The following ATF7IP variants were observed in gnomAD, a reference collection of about 807,000 sequenced individuals.
The protein encoded by ATF7IP is activating transcription factor 7 interacting protein.
In ATF7IP, 23 loss-of-function variants were observed where a neutral mutation model predicts 106.4. That is an observed-to-expected ratio of 0.22 (90% CI 0.16 to 0.31). The LOEUF is 0.31. Ranked by LOEUF, ATF7IP falls within the 10% of genes least tolerant of loss-of-function variation. The pLI is 1.00. For missense variants in ATF7IP, 1,334 were observed against 1,524.3 expected (o/e 0.88, Z 2.08); for synonymous variants, 542 against 539.0 (o/e 1.01, Z -0.08).
rs1277217110 is a variant in ATF7IP, at chr12:14,456,616, A to G, written c.2051A>G (p.Asn684Ser). 3 of 1,611,292 alleles carry G rather than the reference A, an allele frequency of 1.9e-6. No homozygotes were observed. The highest frequency in any genetic ancestry group is 2.7e-5 in the African/African-American group (2 of 75,010). ...AAAACTGTAAATGATGTCAACAGCA[A>G]TAATAACATGTCTTACAGGTGAGAA... ...PGKTVNDVNSNNNMSYRNAGT... is the reference protein window; with the variant it reads ...PGKTVNDVNSSNNMSYRNAGT... Residue 684 changes from asparagine to serine, a missense_variant, in exon 7 of 15, where the codon AAT becomes AGT. Around this residue, in one of 10 missense-constraint regions of ATF7IP, gnomAD observed 171 missense variants for 172.6 expected, o/e 0.99. Coordinates refer to ENST00000261168, the MANE Select transcript of ATF7IP (RefSeq NM_018179.5).
At chr12:14,463,330 A>G (rs1298795826) in intron 9 of ATF7IP, among the ~76,000 whole-genome samples, 1 of 152,176 alleles carries the variant, frequency 6.6e-6, no homozygotes, top group African/African-American at 2.4e-5. Flanking sequence ...TTCTGTTTAT[A>G]GTGAGGTAAA....
At chr12:14,439,428 G>T (rs918890098) in intron 5 of ATF7IP, among the ~76,000 whole-genome samples, 3 of 152,170 alleles carry the variant, frequency 2.0e-5, no homozygotes, top group African/African-American at 7.2e-5. Flanking sequence ...TACTAGTACT[G>T]TTCAGACTTT....
intron 1 of ATF7IP, among the ~76,000 whole-genome samples, chr12:14,368,097 T>C (rs1401594377): frequency 6.6e-6 from 1 of 152,096 alleles, no homozygotes; most frequent in Admixed American, 6.5e-5. Flanking sequence ...TTTGCATATG[T>C]GATAAATGTA....
chr12:14,458,657 T>C (rs533432227), intron 8 of ATF7IP, among the ~76,000 whole-genome samples: 1 of 152,188 alleles, frequency 6.6e-6, no homozygotes, highest in East Asian at 1.9e-4. Flanking sequence ...ACTCTCTCTC[T>C]ACAAAAAATA....
chr12:14,469,289 A>G (rs1591931461), intron 10 of ATF7IP, among the ~76,000 whole-genome samples: 6 of 150,902 alleles, frequency 4.0e-5, no homozygotes, highest in African/African-American at 1.5e-4. Flanking sequence ...GAACCTGGGA[A>G]GAGGAGGTTG....
chr12:14,397,645 T>TA (rs1389205288), intron 1 of ATF7IP, among the ~76,000 whole-genome samples: 1 of 152,182 alleles, frequency 6.6e-6, no homozygotes, highest in African/African-American at 2.4e-5. Context: ...CTCTTTCTCT[T>TA]GTATCTCTTT....
intron 13 of ATF7IP, among the ~76,000 whole-genome samples, chr12:14,487,834 A>T (rs1358142808): frequency 6.6e-6 from 1 of 152,164 alleles, no homozygotes; most frequent in Non-Finnish European, 1.5e-5. Context: ...TGTCCACTGA[A>T]CTTAGGAGGA....
chr12:14,370,740 A>G (rs7308681), intron 1 of ATF7IP, among the ~76,000 whole-genome samples: 22,816 of 152,038 alleles, frequency 0.15, 2,827 homozygotes, highest in African/African-American at 0.35. Context: ...GTAGGGATGA[A>G]TTAGGAGACA....
chr12:14,409,030 A>G (rs1199975395), intron 1 of ATF7IP, among the ~76,000 whole-genome samples: 1 of 152,092 alleles, frequency 6.6e-6, no homozygotes, highest in Non-Finnish European at 1.5e-5. Context: ...ATATCAGCAT[A>G]TTTAAGATGT....
Position 14,438,229 on chromosome 12 carries a change from T to G in ATF7IP, c.1891T>G (p.Cys631Gly). 1 of 1,613,080 alleles carries G rather than the reference T, an allele frequency of 6.2e-7. No homozygotes were observed. Among genetic ancestry groups the G allele is most frequent in the Non-Finnish European group, 8.5e-7 (1 of 1,179,930 alleles). The change falls in exon 5 of 15, where the codon TGT becomes GGT. Residue 631 changes from cysteine to glycine, a missense_variant. Transcript: ENST00000261168. ...GAAAACACGAGTGGAAAAGATTGAA[T>G]GTAACAAGAGGCATAAAACAGTTCT... ...ELKTRVEKIE[C>G]NKRHKTVLTE...
chr12:14,437,224 T>A (rs926744482), intron 4 of ATF7IP, among the ~76,000 whole-genome samples: 1 of 152,204 alleles, frequency 6.6e-6, no homozygotes, highest in Non-Finnish European at 1.5e-5. Flanking sequence ...TAAACTTCGA[T>A]GATAACTAGT....
chr12:14,483,518 C>T (rs1944494003), intron 13 of ATF7IP, among the ~76,000 whole-genome samples: 2 of 152,034 alleles, frequency 1.3e-5, no homozygotes, highest in South Asian at 4.2e-4. Context: ...TGGGAGCGTT[C>T]CTCCCTCTGG....
In ATF7IP at chr12:14,498,166, T is replaced by C. The variant is rs916719822; in HGVS notation, c.*93T>C. The C allele has an allele frequency of 8.0e-7, 1 of 1,256,852 alleles. No homozygotes were observed. The highest frequency in any genetic ancestry group is 1.1e-6 in the Non-Finnish European group (1 of 909,462). The allele number at this position is 1,256,852 out of a possible 1,614,324, so 77.9% of individuals were successfully genotyped here. The stretch of plus-strand genomic sequence containing the variant: ...ATGATACCCCATGTAAAATCCACCT[T>C]GTGCAAGATTTCTTGGACAGATGTG... On this transcript the variant is annotated 3_prime_UTR_variant, in exon 15 of 15. Coordinates refer to ENST00000261168, the MANE Select transcript of ATF7IP (RefSeq NM_018179.5).
At chr12:14,477,371 C>A (rs1025270529) in intron 11 of ATF7IP, among the ~76,000 whole-genome samples, 1 of 152,120 alleles carries the variant, frequency 6.6e-6, no homozygotes, top group Admixed American at 6.5e-5. Flanking sequence ...TTAAAAGTTT[C>A]AAATTATCTC....
chr12:14,495,228 A>T (rs531231422), intron 13 of ATF7IP, among the ~76,000 whole-genome samples: 12 of 152,336 alleles, frequency 7.9e-5, no homozygotes, highest in African/African-American at 2.9e-4. Flanking sequence ...TTTTGGCAAC[A>T]TCCTCACAGG....
intron 5 of ATF7IP, among the ~76,000 whole-genome samples, chr12:14,446,096 T>C (rs1399152708): frequency 6.6e-6 from 1 of 152,144 alleles, no homozygotes; most frequent in Non-Finnish European, 1.5e-5. Context: ...AACAAATGAT[T>C]AATAATCTCA....
intron 13 of ATF7IP, among the ~76,000 whole-genome samples, chr12:14,484,201 T>C (rs1192864885): frequency 4.6e-5 from 7 of 152,120 alleles, no homozygotes; most frequent in African/African-American, 1.7e-4. Context: ...AGGTCAGCCT[T>C]GGTAAGTGGA....
rs964148426 is a variant in ATF7IP, at chr12:14,381,340, T to G, written c.-8+15513T>G. On this transcript the variant is annotated intron_variant, in intron 1 of 14. Transcript: ENST00000261168. ...TCCACCTCCCAGGTTCAAGTGATTC[T>G]TGTGCCTGAGCCTCCCTGAGTAGCT... 3.6e-4 allele frequency among the ~76,000 whole-genome samples: 55 copies of G among 152,316 alleles called. 1 individual carries two copies. Among genetic ancestry groups the G allele is most frequent in the Admixed American group, 3.2e-3 (49 of 15,306 alleles).
At chr12:14,470,922 C>G (rs1012877553) in intron 10 of ATF7IP, among the ~76,000 whole-genome samples, 2 of 152,134 alleles carry the variant, frequency 1.3e-5, no homozygotes, top group African/African-American at 4.8e-5. Context: ...TCTTCTTGAT[C>G]TATATAAGCA....
Sources: allele counts gnomAD v4.1 joint callset (sites outside exome capture counted in the v4.1 genomes callset), GRCh38; gene constraint gnomAD v4.1.1; regional missense constraint gnomAD v4.1.1; transcripts MANE v1.5; gene names NCBI Gene and HGNC (gene_info 2026-07-23, HGNC 2026-07-21).